Variants in TM6SF1 observed in about 807,000 individuals in gnomAD.
TM6SF1 encodes transmembrane 6 superfamily member 1.
A neutral mutation model predicts 47.1 loss-of-function variants in TM6SF1; 43 were observed. That is an observed-to-expected ratio of 0.91 (90% CI 0.72 to 1.18). The LOEUF (loss-of-function observed/expected upper bound fraction) is 1.18, where lower values mean the gene tolerates loss of function less well. Ranked by LOEUF, TM6SF1 falls within the 50% of genes most tolerant of loss-of-function variation. The pLI, the probability that TM6SF1 is intolerant of heterozygous loss-of-function variation, is 0.00. For missense variants in TM6SF1, 390 were observed against 449.0 expected, an observed-to-expected ratio of 0.87 and a Z score of 1.19; for synonymous variants, 177 against 166.3, an observed-to-expected ratio of 1.06 and a Z score of -0.49.
chr15:83,127,177 G>C (rs1481279094), intron 8 of TM6SF1, among the ~76,000 whole-genome samples, 181 bp from the exon 9 acceptor site: 1 of 149,946 alleles, frequency 6.7e-6, no homozygotes, highest in Non-Finnish European at 1.5e-5. Context: ...CTGAGTGACA[G>C]AGTGAGACTC....
At position 83,115,672 on chromosome 15, in the gene TM6SF1, G is replaced by GT. The variant is rs1567136026; in HGVS notation, c.197-172dup. On this transcript the variant is annotated intron_variant, in intron 2 of 9. Transcript: ENST00000322019. ...GGGATGGGGAGAGCTGCGAACACAG[G>GT]TGGAGGTCCAGCTGGGTGTGTAGAA... 3 of 698,164 alleles carry GT rather than the reference G, an allele frequency of 4.3e-6. No homozygotes were observed. The South Asian group carries it at 4.5e-5, about 10-fold the overall frequency. The allele number at this position is 698,164 out of a possible 1,614,324, so 43.2% of individuals were successfully genotyped here. A position where few individuals can be genotyped will look rare whatever the true frequency, so the allele number is the denominator to read the frequency against.
chr15:83,121,830 T>C (rs950514559), intron 4 of TM6SF1, 91 bp from the exon 5 acceptor site: 1 of 937,206 alleles, frequency 1.1e-6, no homozygotes, highest in Non-Finnish European at 1.7e-6. Flanking sequence ...CTTTACTAGT[T>C]TGAATACAAA....
intron 9 of TM6SF1, chr15:83,132,139 A>C (rs2036297716): frequency 6.6e-6 from 1 of 152,200 alleles, no homozygotes; most frequent in African/African-American, 2.4e-5. Context: ...AATTGCTGTT[A>C]GGGTTGGATG....
chr15:83,115,824 C>T lies in TM6SF1; in HGVS notation c.197-21C>T, dbSNP rs781064647. Reference sequence around the variant, plus strand: ...GTCTCCTGAGCTATTGCTTTTTAAACTGCTGCTTTCTTTGCTCTAGTGTAT... The same window carrying T: ...GTCTCCTGAGCTATTGCTTTTTAAATTGCTGCTTTCTTTGCTCTAGTGTAT... On this transcript the variant is annotated intron_variant, in intron 2 of 9. Transcript: ENST00000322019. 13 of 1,568,646 alleles carry T rather than the reference C, an allele frequency of 8.3e-6. No homozygotes were observed. The East Asian group carries it at 2.0e-4, about 24-fold the overall frequency.
intron 4 of TM6SF1, among the ~76,000 whole-genome samples, chr15:83,121,629 T>C (rs1421974027): frequency 1.3e-5 from 2 of 152,204 alleles, no homozygotes; most frequent in South Asian, 4.1e-4. Context: ...TCACACACAA[T>C]AGGGAAATGC....
chr15:83,124,231 T>A (rs1256021881), intron 6 of TM6SF1, among the ~76,000 whole-genome samples: 1 of 152,168 alleles, frequency 6.6e-6, no homozygotes, highest in Non-Finnish European at 1.5e-5. Flanking sequence ...ACAGGAATAA[T>A]TTTATATATA....
intron 9 of TM6SF1, chr15:83,130,562 G>A (rs1248537316): frequency 2.0e-5 from 3 of 152,286 alleles, no homozygotes; most frequent in Non-Finnish European, 4.4e-5. Context: ...TCCCAGCCCA[G>A]CAGGTGAAGA....
intron 9 of TM6SF1, 26 bp from the exon 10 acceptor site, chr15:83,136,455 C>CAATTTTTTTTTA (rs1260469133): frequency 6.6e-7 from 1 of 1,526,068 alleles, no homozygotes; most frequent in African/African-American, 1.4e-5. Context: ...CATGCTTACT[C>CAATTTTTTTTTA]AATTTTTTTT....
intron 3 of TM6SF1, among the ~76,000 whole-genome samples, chr15:83,117,473 CAGA>C (rs1039417690): frequency 1.6e-4 from 24 of 152,082 alleles, no homozygotes; most frequent in African/African-American, 5.8e-4. Flanking sequence ...AGACCATGGC[CAGA>C]AGAAGAGAAG....
chr15:83,135,864 A>G (rs926264898), intron 9 of TM6SF1: 1 of 152,204 alleles, frequency 6.6e-6, no homozygotes, highest in Non-Finnish European at 1.5e-5. Flanking sequence ...TCTTACAAAC[A>G]ACCCTTAATA....
At chr15:83,120,444 C>A (rs755801364) in intron 4 of TM6SF1, among the ~76,000 whole-genome samples, 17 of 152,178 alleles carry the variant, frequency 1.1e-4, no homozygotes, top group Non-Finnish European at 1.8e-4. Context: ...CAAAACATTT[C>A]AAGTCCGGCC....
intron 2 of TM6SF1, 137 bp from the exon 3 acceptor site, chr15:83,115,708 G>A (rs1057431918): frequency 1.2e-5 from 9 of 726,858 alleles, no homozygotes; most frequent in Admixed American, 1.0e-4. Flanking sequence ...GGGGTATTCT[G>A]TTAGTCTATC....
Position 83,107,808 on chromosome 15 carries a change from G to GGCGGCGGGAGTTGGCTCGCC in TM6SF1, c.92+40_92+59dup. The GGCGGCGGGAGTTGGCTCGCC allele has an allele frequency of 6.4e-7, 1 of 1,554,166 alleles. No homozygotes were observed. The highest frequency in any genetic ancestry group is 1.2e-5 in the South Asian group (1 of 84,864). ...CGGCGCGGCGGGGGTCGCGCCGAGG[G>GGCGGCGGGAGTTGGCTCGCC]GCGGCGGGAGTTGGCTCGCCGCGAC... On this transcript the variant is annotated intron_variant, in intron 1 of 9. Coordinates refer to ENST00000322019, the MANE Select transcript of TM6SF1 (RefSeq NM_023003.5). This position sits in a 1 kb window ranked among gnomAD's most constrained non-coding sequence, Gnocchi z 5.6.
chr15:83,108,273 GGTT>G (rs2033850689), intron 1 of TM6SF1, among the ~76,000 whole-genome samples: 1 of 152,176 alleles, frequency 6.6e-6, no homozygotes, highest in African/African-American at 2.4e-5. Flanking sequence ...CAGAGACGTG[GGTT>G]CTAGGCCTGG....
chr15:83,127,393 T>C lies in TM6SF1; in HGVS notation c.837T>C (p.Phe279=), dbSNP rs1019036802. 11 of 1,614,024 alleles carry C rather than the reference T, an allele frequency of 6.8e-6. No homozygotes were observed. The highest frequency in any genetic ancestry group is 8.5e-6 in the Non-Finnish European group (10 of 1,179,936). Reference sequence around the variant, plus strand: ...ATATGTTCTATTCTGTTCCTTACTTTGTGACTGCACTGTATGGCTTAGTGG... The same window carrying C: ...ATATGTTCTATTCTGTTCCTTACTTCGTGACTGCACTGTATGGCTTAGTGG... ...LAYMFYSVPY[F]VTALYGLVVP... Residue 279 remains phenylalanine (F), a synonymous_variant, in exon 9 of 10, where the codon TTT becomes TTC. Transcript: ENST00000322019.
Position 83,136,559 on chromosome 15 carries a change from C to CT in TM6SF1, c.1007dup (p.Leu336PhefsTer46). 7 of 1,613,584 alleles carry CT rather than the reference C, an allele frequency of 4.3e-6. No individual in the cohort carries two copies. The highest frequency in any genetic ancestry group is 2.2e-5 in the East Asian group (1 of 44,842). ...CAGAGTCCCTGAAGAAGCAAAAATCCTTTTTTTAGCATTAAACATAGCATA... is the reference window on the plus strand; with the variant it reads ...CAGAGTCCCTGAAGAAGCAAAAATCCTTTTTTTTAGCATTAAACATAGCATA... On this transcript the variant is annotated frameshift_variant, in exon 10 of 10. Transcript: ENST00000322019. LOFTEE classifies it high-confidence loss of function.
At chr15:83,117,366 G>A (rs992668266) in intron 3 of TM6SF1, among the ~76,000 whole-genome samples, 3 of 152,110 alleles carry the variant, frequency 2.0e-5, no homozygotes, top group African/African-American at 4.8e-5. Flanking sequence ...AGAGAGTCAC[G>A]GGCCATCGGA....
rs761809468 is a variant in TM6SF1, at chr15:83,127,447, C to A, written c.891C>A (p.Ile297=). 5.0e-6 allele frequency: 8 copies of A among 1,613,724 alleles called. No individual in the cohort carries two copies. Among genetic ancestry groups the A allele is most frequent in the Non-Finnish European group, 6.8e-6 (8 of 1,179,890 alleles). Residue 297 remains isoleucine (I), a synonymous_variant, in exon 9 of 10, where the codon ATC becomes ATA. Transcript: ENST00000322019. ...CTGGATGTTCCTGGATGCCTGACAT[C>A]ACATTGATACATGCTGGAGGTCTGG... ...VVPGCSWMPD[I]TLIHAGGLAQ... is the part of the protein sequence containing the mutation.
At chr15:83,119,753 T>C in intron 4 of TM6SF1, 72 bp downstream of exon 4, 4 of 1,601,144 alleles carry the variant, frequency 2.5e-6, no homozygotes, top group South Asian at 2.2e-5. Flanking sequence ...GGAAACGTTA[T>C]GCATAGAGGC....
Sources: allele counts gnomAD v4.1 joint callset (sites outside exome capture counted in the v4.1 genomes callset), GRCh38; gene constraint gnomAD v4.1.1; non-coding constraint Gnocchi (gnomAD v3.1); transcripts MANE v1.5; gene names NCBI Gene and HGNC (gene_info 2026-07-23, HGNC 2026-07-21).